UPF2: variants seen among roughly 807,000 people sequenced by gnomAD.
UPF2 encodes the protein regulator of nonsense transcripts 2.
In UPF2, 17 loss-of-function variants were observed where a neutral mutation model predicts 141.4. The observed-to-expected ratio is 0.12, with a 90% CI of 0.08 to 0.18. The LOEUF (loss-of-function observed/expected upper bound fraction) is 0.18, where lower values mean the gene tolerates loss of function less well. UPF2 is among the 10% of genes least tolerant of loss of function. UPF2 has a pLI of 1.00. For missense variants in UPF2, 1,152 were observed against 1,515.9 expected (o/e 0.76, Z 3.99); for synonymous variants, 540 against 498.0 (o/e 1.08, Z -1.12).
intron 1 of UPF2, among the ~76,000 whole-genome samples, chr10:12,040,109 C>G (rs1236651617): frequency 6.6e-6 from 1 of 152,060 alleles, no homozygotes; most frequent in African/African-American, 2.4e-5. Flanking sequence ...AGAAATAAAG[C>G]TGCAGTAGGC....
rs1023675498 is a variant in UPF2, at chr10:12,024,320, G to A, written c.1145+4425C>T. Among the ~76,000 whole-genome samples the A allele has an allele frequency of 1.3e-4, 20 of 152,064 alleles. No homozygotes were observed. The East Asian group carries it at 3.3e-3, about 25-fold the overall frequency. On this transcript the variant is annotated intron_variant, in intron 3 of 21. Coordinates refer to ENST00000357604, the MANE Select transcript of UPF2 (RefSeq NM_015542.4). ...GTTTACAAAAATTCTTTTAAAGTTT[G>A]GGATGGGGGGTGGGCACAGTGGCTG...
chr10:11,996,486 T>C (rs1833866643), intron 8 of UPF2, among the ~76,000 whole-genome samples: 1 of 152,032 alleles, frequency 6.6e-6, no homozygotes, highest in South Asian at 2.1e-4. Flanking sequence ...AAGCTGAGTA[T>C]GGGCATGCGC....
chr10:12,015,574 C>T (rs1161079342), intron 3 of UPF2, among the ~76,000 whole-genome samples: 1 of 152,122 alleles, frequency 6.6e-6, no homozygotes, highest in East Asian at 1.9e-4. Context: ...CAGTGGCGGG[C>T]ACCTGTAATC....
At chr10:11,971,623 C>T (rs777095851) in intron 9 of UPF2, among the ~76,000 whole-genome samples, 4 of 152,138 alleles carry the variant, frequency 2.6e-5, no homozygotes, top group Non-Finnish European at 5.9e-5. Flanking sequence ...CACAATGTAA[C>T]ATTTTCTATA....
intron 14 of UPF2, among the ~76,000 whole-genome samples, chr10:11,952,603 C>T (rs567609562): frequency 0.022 from 3,285 of 151,200 alleles, 133 homozygotes; most frequent in African/African-American, 0.075. Flanking sequence ...GCCTCCCGAG[C>T]AGCTGGGACT....
At chr10:11,949,224 C>G (rs180869034) in intron 15 of UPF2, among the ~76,000 whole-genome samples, 64 of 152,276 alleles carry the variant, frequency 4.2e-4, no homozygotes, top group African/African-American at 1.4e-3. Context: ...CTCATCTGAT[C>G]CCACTGATCT....
chr10:11,923,641 C>T (rs1480113515), intron 21 of UPF2, among the ~76,000 whole-genome samples: 1 of 146,508 alleles, frequency 6.8e-6, no homozygotes, highest in African/African-American at 2.5e-5. Context: ...GATCACGCCA[C>T]TGCACTCCGA....
intron 11 of UPF2, among the ~76,000 whole-genome samples, chr10:11,963,345 T>G (rs1393213342): frequency 6.6e-6 from 1 of 152,086 alleles, no homozygotes; most frequent in Admixed American, 6.5e-5. Context: ...CATTCATTCA[T>G]TCATTCATTC....
chr10:11,938,644 A>T (rs984071867), intron 18 of UPF2, among the ~76,000 whole-genome samples: 2 of 107,296 alleles, frequency 1.9e-5, no homozygotes, highest in Non-Finnish European at 4.0e-5. Flanking sequence ...TTCACACAAT[A>T]AAAAAAAAAA....
intron 9 of UPF2, among the ~76,000 whole-genome samples, chr10:11,975,306 G>T (rs1472240656): frequency 6.6e-6 from 1 of 152,064 alleles, no homozygotes; most frequent in African/African-American, 2.4e-5. Context: ...AAAGAAGTAG[G>T]CCACACTGAA....
chr10:12,040,590 T>C (rs928157362), intron 1 of UPF2, among the ~76,000 whole-genome samples: 5 of 151,650 alleles, frequency 3.3e-5, no homozygotes, highest in Non-Finnish European at 7.4e-5. Context: ...GCGACTAAAT[T>C]TCCGTAAACA....
chr10:12,028,894 C>A lies in UPF2; in HGVS notation c.996G>T (p.Glu332Asp). The change falls in exon 3 of 22, where the codon GAG (glutamate) becomes GAT (aspartate). Residue 332 changes from glutamate to aspartate, a missense_variant. Physicochemically the swap from Glu to Asp is conservative, Grantham distance 45 (BLOSUM62 2). Transcript: ENST00000357604. The part of the protein sequence containing the change: ...LVPRKVKSAA[E>D]KFNLSFPPSE... ...TAGGAGGAAAACTCAAATTAAACTT[C>A]TCTGCAGCACTCTTTACTTTCCTTG... 6.2e-7 allele frequency: 1 copy of A among 1,614,160 alleles called. No homozygotes were observed. Among genetic ancestry groups the A allele is most frequent in the Non-Finnish European group, 8.5e-7 (1 of 1,180,038 alleles).
chr10:11,989,239 C>T (rs1309046028), intron 8 of UPF2, among the ~76,000 whole-genome samples: 1 of 152,126 alleles, frequency 6.6e-6, no homozygotes, highest in Non-Finnish European at 1.5e-5. Flanking sequence ...GAAAAGACTA[C>T]ACAGAATACT....
intron 21 of UPF2, among the ~76,000 whole-genome samples, chr10:11,924,554 G>A (rs1428343621): frequency 6.6e-6 from 1 of 151,834 alleles, no homozygotes; most frequent in African/African-American, 2.4e-5. Flanking sequence ...CTCCAGCCTG[G>A]GTAACAGAGC....
chr10:11,963,004 C>T (rs558940691), intron 11 of UPF2, among the ~76,000 whole-genome samples: 1 of 152,010 alleles, frequency 6.6e-6, no homozygotes, highest in African/African-American at 2.4e-5. Context: ...TATTTCAATT[C>T]TCTATTTATT....
chr10:11,972,590 T>C (rs1204707437), intron 9 of UPF2, among the ~76,000 whole-genome samples: 1 of 152,120 alleles, frequency 6.6e-6, no homozygotes, highest in Non-Finnish European at 1.5e-5. Flanking sequence ...TGTCCAAGTG[T>C]TCTGATTGTT....
chr10:11,941,733 G>A (rs377071022), intron 18 of UPF2, among the ~76,000 whole-genome samples: 22 of 152,138 alleles, frequency 1.4e-4, no homozygotes, highest in African/African-American at 4.8e-4. Context: ...CCTGCCATTC[G>A]AACAAACCCA....
intron 4 of UPF2, among the ~76,000 whole-genome samples, chr10:12,013,658 A>G (rs1418565383): frequency 1.3e-5 from 2 of 152,152 alleles, no homozygotes; most frequent in Non-Finnish European, 2.9e-5. Flanking sequence ...AACTCATCAT[A>G]TTATCATGAG....
At chr10:11,989,346 T>C (rs945436733) in intron 8 of UPF2, among the ~76,000 whole-genome samples, 6 of 152,128 alleles carry the variant, frequency 3.9e-5, no homozygotes, top group Admixed American at 3.9e-4. Flanking sequence ...GTGCCAGGCA[T>C]AGTGGCACAT....
Sources: allele counts gnomAD v4.1 joint callset (sites outside exome capture counted in the v4.1 genomes callset), GRCh38; gene constraint gnomAD v4.1.1; transcripts MANE v1.5; gene names NCBI Gene and HGNC (gene_info 2026-07-23, HGNC 2026-07-21).